VWDE: variants seen among roughly 807,000 people sequenced by gnomAD.
VWDE encodes the protein von Willebrand factor D and EGF domains.
A neutral mutation model predicts 178.4 loss-of-function variants in VWDE; 207 were observed. The ratio of observed to expected loss-of-function variants is 1.16; its 90% confidence interval spans 1.04 to 1.30. The LOEUF (loss-of-function observed/expected upper bound fraction) is 1.30, where lower values mean the gene tolerates loss of function less well. Among genes scored for constraint, VWDE ranks in the 50% most tolerant of loss-of-function variants. The probability of loss-of-function intolerance (pLI) is 0.00; values close to 1 mark genes in which losing one functional copy is unlikely to be tolerated. For synonymous variants in VWDE, 738 were observed against 651.4 expected (o/e 1.13, Z -2.02); for missense variants, 2,287 against 1,901.3 (o/e 1.20, Z -3.77).
chr7:12,369,578 TTGGGG>T lies in VWDE; in HGVS notation c.2723_2727del (p.Ser908Ter), dbSNP rs1562492991. The T allele has an allele frequency of 6.5e-7, 1 of 1,544,690 alleles. No homozygotes were observed. Among genetic ancestry groups the T allele is most frequent in the South Asian group, 1.2e-5 (1 of 83,726 alleles). The stretch of plus-strand genomic sequence containing the variant: ...TCACTGCAGTCATAGGAACTAAAGC[TTGGGG>T]AACACGCACACCCCCATTCCATGCA... On this transcript the variant is annotated frameshift_variant, in exon 12 of 29. Transcript: ENST00000275358. LOFTEE classifies it high-confidence loss of function.
At chr7:12,363,550 G>C (rs1025746690) in intron 13 of VWDE, among the ~76,000 whole-genome samples, 4 of 151,766 alleles carry the variant, frequency 2.6e-5, no homozygotes, top group Admixed American at 2.6e-4. Context: ...TAATACAAAA[G>C]TAGAAAAAAG....
chr7:12,367,956 C>G (rs10499419), intron 12 of VWDE, among the ~76,000 whole-genome samples: 1 of 151,604 alleles, frequency 6.6e-6, no homozygotes, highest in Admixed American at 6.6e-5. Context: ...TGGGTATATG[C>G]AGTGTGTAAA....
chr7:12,375,133 A>T lies in VWDE; in HGVS notation c.1119T>A (p.Thr373=). The T allele has an allele frequency of 1.3e-6, 2 of 1,551,276 alleles. No individual in the cohort carries two copies. The highest frequency in any genetic ancestry group is 1.7e-6 in the Non-Finnish European group (2 of 1,146,658). ...SSCANGTCSH[T]FVYYTAVTDF... is the part of the protein sequence containing the mutation. Reference sequence around the variant, plus strand: ...CTGTGACAGCAGTGTAGTACACAAAAGTGTGGCTACAGGTTCCATTAGCAC... The same window carrying T: ...CTGTGACAGCAGTGTAGTACACAAATGTGTGGCTACAGGTTCCATTAGCAC... The change falls in exon 8 of 29, where the codon ACT becomes ACA. Residue 373 remains threonine, a synonymous_variant. Transcript: ENST00000275358.
rs951153961 is a variant in VWDE at position 12,337,306 on chromosome 7, T to C, written c.4367-34A>G. The C allele has an allele frequency of 1.5e-5, 22 of 1,499,374 alleles. No homozygotes were observed. In the African/African-American group the frequency reaches 2.8e-4, roughly 19 times the overall value. The allele number at this position is 1,499,374 out of a possible 1,614,324, so 92.9% of individuals were successfully genotyped here. ...ACACATGGCAGCAATCTGTGAATAT[T>C]ACACATCCCATTACTACATATGATA... On this transcript the variant is annotated intron_variant, in intron 24 of 28. Coordinates refer to ENST00000275358, the MANE Select transcript of VWDE (RefSeq NM_001135924.3).
intron 19 of VWDE, among the ~76,000 whole-genome samples, chr7:12,346,362 T>C (rs1207126626): frequency 6.6e-6 from 1 of 152,048 alleles, no homozygotes; most frequent in African/African-American, 2.4e-5. Flanking sequence ...AAACAATCAT[T>C]GAGAACTACT....
rs1458150283 is a variant in VWDE at position 12,370,001 on chromosome 7, G to C, written c.2305C>G (p.Gln769Glu). The C allele has an allele frequency of 1.3e-6, 2 of 1,551,486 alleles. No individual in the cohort carries two copies. Among genetic ancestry groups the C allele is most frequent in the Non-Finnish European group, 1.7e-6 (2 of 1,146,886 alleles). The change falls in exon 12 of 29, where the codon CAA becomes GAA. Residue 769 changes from glutamine to glutamate, a missense_variant. Physicochemically the swap from Gln to Glu is conservative, Grantham distance 29 (BLOSUM62 2). Transcript: ENST00000275358. ...TAAGTAAGTTCTTCCAGATCCGTTT[G>C]GCTGAGACTCGGGAAAGCAAACAAA... is the stretch of plus-strand genomic sequence containing the variant. ...PPLFAFPSLSQTDLEELTYFF... is the reference protein window; with the variant it reads ...PPLFAFPSLSETDLEELTYFF...
At position 12,374,766 on chromosome 7, in the gene VWDE, A is replaced by T. The variant is rs562264555; in HGVS notation, c.1243-4T>A. The stretch of plus-strand genomic sequence containing the variant: ...TTGGGACATCCTTTACTTTGATCTT[A>T]AAAGCAAAGATATTTTTGGTAAATA... On this transcript the variant is annotated splice_polypyrimidine_tract_variant and splice_region_variant and intron_variant, in intron 8 of 28. Coordinates refer to ENST00000275358, the MANE Select transcript of VWDE (RefSeq NM_001135924.3). 16 of 1,517,584 alleles carry T rather than the reference A, an allele frequency of 1.1e-5. No homozygotes were observed. The South Asian group carries it at 1.9e-4, about 18-fold the overall frequency. The allele number at this position is 1,517,584 out of a possible 1,614,324, so 94.0% of individuals were successfully genotyped here.
In VWDE at chr7:12,382,444, C is replaced by CA. The variant is rs555073338; in HGVS notation, c.541+1091dup. The stretch of plus-strand genomic sequence containing the variant: ...ACAGTAATAGCTTGTGTAAAATATA[C>CA]AAAAAAAAGGGCTAGAAAAAAACCA... On this transcript the variant is annotated intron_variant, in intron 4 of 28. Coordinates refer to ENST00000275358, the MANE Select transcript of VWDE (RefSeq NM_001135924.3). 1.1e-3 allele frequency among the ~76,000 whole-genome samples: 163 copies of CA among 148,164 alleles called. 2 individuals are homozygous for CA. In the South Asian group the frequency reaches 0.013, roughly 12 times the overall value.
chr7:12,340,900 C>T (rs1446441580), intron 23 of VWDE, among the ~76,000 whole-genome samples: 1 of 152,174 alleles, frequency 6.6e-6, no homozygotes. Context: ...CACTCAAGTC[C>T]TAGCACACTC....
chr7:12,375,310 C>G, intron 7 of VWDE, 83 bp from the exon 8 acceptor site: 2 of 1,036,258 alleles, frequency 1.9e-6, no homozygotes, highest in South Asian at 1.6e-5. Flanking sequence ...ACATGAAACA[C>G]TGAATTGTAA....
chr7:12,368,209 ATGTAATT>A (rs1297094882), intron 12 of VWDE, among the ~76,000 whole-genome samples: 1 of 149,884 alleles, frequency 6.7e-6, no homozygotes, highest in Non-Finnish European at 1.5e-5. Context: ...TTCTGCCTTC[ATGTAATT>A]TGCATTCTAG....
intron 1 of VWDE, among the ~76,000 whole-genome samples, chr7:12,396,277 A>G (rs887037220): frequency 1.3e-5 from 2 of 152,182 alleles, no homozygotes; most frequent in Admixed American, 6.6e-5. Context: ...CAAGACTAGA[A>G]TTCTCCAAAA....
chr7:12,365,802 C>T (rs1449506674), intron 13 of VWDE, among the ~76,000 whole-genome samples: 1 of 152,104 alleles, frequency 6.6e-6, no homozygotes, highest in Non-Finnish European at 1.5e-5. Context: ...TTAACTTCAG[C>T]ACAATGTAAA....
At chr7:12,391,097 G>C (rs1461442895) in intron 2 of VWDE, among the ~76,000 whole-genome samples, 2 of 152,048 alleles carry the variant, frequency 1.3e-5, no homozygotes, top group Non-Finnish European at 2.9e-5. Flanking sequence ...AACTGTAACT[G>C]AAAAAGAATA....
At chr7:12,384,038 G>C (rs759720957) in intron 3 of VWDE, among the ~76,000 whole-genome samples, 4 of 152,108 alleles carry the variant, frequency 2.6e-5, no homozygotes, top group Admixed American at 6.6e-5. Context: ...TATTTCCATA[G>C]AAAAACCTGC....
intron 13 of VWDE, among the ~76,000 whole-genome samples, chr7:12,364,588 C>T (rs970035): frequency 0.22 from 33,679 of 151,938 alleles, 4,123 homozygotes; most frequent in East Asian, 0.3. Context: ...CATTAGTCTA[C>T]ACTGGCATGA....
At chr7:12,349,444 T>C (rs1781805667) in intron 19 of VWDE, among the ~76,000 whole-genome samples, 1 of 151,306 alleles carries the variant, frequency 6.6e-6, no homozygotes, top group Admixed American at 6.6e-5. Flanking sequence ...TATGAGTTCA[T>C]ATTTATAATT....
chr7:12,385,626 T>A (rs1277763225), intron 3 of VWDE, among the ~76,000 whole-genome samples: 1 of 152,204 alleles, frequency 6.6e-6, no homozygotes, highest in Admixed American at 6.5e-5. Flanking sequence ...AGAGAACACC[T>A]GCTCCAGATA....
intron 1 of VWDE, among the ~76,000 whole-genome samples, chr7:12,397,511 G>A (rs1784686051): frequency 6.6e-6 from 1 of 152,000 alleles, no homozygotes; most frequent in Non-Finnish European, 1.5e-5. Flanking sequence ...ATGGGCCTTG[G>A]CAAAGAACTT....
Sources: gnomAD v4.1 joint callset for allele counts (sites outside exome capture counted in the v4.1 genomes callset) on GRCh38, gnomAD v4.1.1 for gene constraint, MANE v1.5 for transcripts, NCBI Gene and HGNC (gene_info 2026-07-23, HGNC 2026-07-21) for gene names.